The following MORC1 variants were observed in gnomAD, a reference collection of about 807,000 sequenced individuals.
MORC1 encodes MORC family CW-type zinc finger 1, also known as MORC family CW-type zinc finger protein 1.
In MORC1, 59 loss-of-function variants were observed where a neutral mutation model predicts 134.9. The ratio of observed to expected loss-of-function variants is 0.44; its 90% CI spans 0.35 to 0.54. The LOEUF is 0.54. Ranked by LOEUF, MORC1 falls within the 20% of genes least tolerant of loss-of-function variation. The probability of loss-of-function intolerance (pLI) is 0.00; values close to 1 mark genes in which losing one functional copy is unlikely to be tolerated. For synonymous variants in MORC1, 395 were observed against 391.7 expected (o/e 1.01, Z -0.10); for missense variants, 947 against 1,134.5 (o/e 0.83, Z 2.37).
chr3:108,990,723 T>G (rs1193329296), intron 21 of MORC1, among the ~76,000 whole-genome samples: 1 of 152,144 alleles, frequency 6.6e-6, no homozygotes, highest in African/African-American at 2.4e-5. Flanking sequence ...GCTGGATCCC[T>G]ATTGTTTAGG....
chr3:109,011,319 C>T (rs181105979), intron 17 of MORC1, among the ~76,000 whole-genome samples: 50 of 152,268 alleles, frequency 3.3e-4, no homozygotes, highest in Admixed American at 3.1e-3. Flanking sequence ...GTCAACATAG[C>T]GTAATCATTT....
intron 8 of MORC1, among the ~76,000 whole-genome samples, chr3:109,089,505 T>C (rs1950676744): frequency 6.6e-6 from 1 of 152,094 alleles, no homozygotes; most frequent in Non-Finnish European, 1.5e-5. Context: ...CTTCTGAAAA[T>C]GACTCTAAAC....
chr3:109,086,689 A>T (rs922434621), intron 8 of MORC1, among the ~76,000 whole-genome samples: 2 of 152,072 alleles, frequency 1.3e-5, no homozygotes, highest in Non-Finnish European at 2.9e-5. Context: ...GAAAAATTAA[A>T]ATCAACCTGA....
intron 11 of MORC1, 81 bp from the exon 12 acceptor site, chr3:109,059,951 A>T: frequency 8.3e-7 from 1 of 1,199,856 alleles, no homozygotes; most frequent in South Asian, 1.4e-5. Flanking sequence ...TATTATCCAA[A>T]TGTTTCAAGG....
intron 9 of MORC1, among the ~76,000 whole-genome samples, chr3:109,066,833 T>C (rs74419792): frequency 0.013 from 1,919 of 152,276 alleles, 38 homozygotes; most frequent in African/African-American, 0.042. Context: ...ACTCAAGTAA[T>C]TGCCAAAGGT....
chr3:109,055,028 A>AATTATT, intron 13 of MORC1, 146 bp from the exon 14 acceptor site: 1 of 728,176 alleles, frequency 1.4e-6, no homozygotes, highest in Non-Finnish European at 2.2e-6. Flanking sequence ...CAAGTTAGCT[A>AATTATT]ATTATGTTAT....
At position 108,963,437 on chromosome 3, in the gene MORC1, G is replaced by T; in HGVS notation, c.2776C>A (p.Leu926Ile). Residue 926 changes from leucine (L) to isoleucine (I), a missense_variant, in exon 27 of 28, where the codon CTA becomes ATA. Physicochemically the swap from Leu to Ile is conservative, Grantham distance 5. Transcript: ENST00000232603. Reference protein sequence around the residue: ...KLKNLRIKLALLLQKLQLGGP... With the variant: ...KLKNLRIKLAILLQKLQLGGP... ...ACCAGTTGGAGTTTCTGCAACAATA[G>T]TGCCAGTTTTATACGAAGATTCTTC... 6.2e-7 allele frequency: 1 copy of T among 1,611,434 alleles called. No individual in the cohort carries two copies. Among genetic ancestry groups the T allele is most frequent in the Non-Finnish European group, 8.5e-7 (1 of 1,179,464 alleles).
At chr3:109,067,684 T>C (rs1180704542) in intron 9 of MORC1, among the ~76,000 whole-genome samples, 1 of 152,132 alleles carries the variant, frequency 6.6e-6, no homozygotes, top group Non-Finnish European at 1.5e-5. Flanking sequence ...AAAGGAAACA[T>C]TGCTTTGATA....
At position 109,000,657 on chromosome 3, in the gene MORC1, G is replaced by A. The variant is rs1948379691; in HGVS notation, c.2087C>T (p.Ala696Val). 1.2e-6 allele frequency: 2 copies of A among 1,606,772 alleles called. No homozygotes were observed. The highest frequency in any genetic ancestry group is 1.3e-5 in the African/African-American group (1 of 74,838). Residue 696 changes from alanine (A) to valine (V), a missense_variant and splice_region_variant, in exon 21 of 28, where the codon GCC (alanine) becomes GTC (valine). This residue lies in a region of MORC1 where 722 missense variants were observed against 817.0 expected (regional missense o/e 0.88). Transcript: ENST00000232603. ...CTTCCTTTTCATTTCCCAAGAAGCG[G>A]CCTATAACAAGGAATTAACAAAAAA... is the stretch of plus-strand genomic sequence containing the variant. ...PTEGCLKNAQ[A>V]ASWEMKRKQS... is the part of the protein sequence containing the mutation.
intron 25 of MORC1, 94 bp downstream of exon 25, chr3:108,971,236 C>G: frequency 9.2e-7 from 1 of 1,091,230 alleles, no homozygotes; most frequent in Non-Finnish European, 1.4e-6. Context: ...TTAAGCCACT[C>G]TAGGTCCTCT....
At chr3:109,072,220 A>G (rs1436705241) in intron 8 of MORC1, among the ~76,000 whole-genome samples, 4 of 152,154 alleles carry the variant, frequency 2.6e-5, no homozygotes, top group Non-Finnish European at 5.9e-5. Context: ...TCTTGTCTTC[A>G]GCCTGGCCAT....
intron 13 of MORC1, among the ~76,000 whole-genome samples, chr3:109,055,539 C>T (rs72935364): frequency 0.013 from 1,910 of 152,314 alleles, 39 homozygotes; most frequent in African/African-American, 0.042. Flanking sequence ...CCTTGCTTTC[C>T]TTTCACTATT....
intron 21 of MORC1, among the ~76,000 whole-genome samples, chr3:108,987,664 T>C (rs1474241878): frequency 6.6e-6 from 1 of 151,780 alleles, no homozygotes; most frequent in Non-Finnish European, 1.5e-5. Context: ...AGGGGTGGAA[T>C]GTACCATTAA....
chr3:109,054,663 C>T, intron 14 of MORC1, 65 bp downstream of exon 14: 2 of 1,335,536 alleles, frequency 1.5e-6, no homozygotes, highest in South Asian at 4.0e-5. Flanking sequence ...ATCATGTCAG[C>T]TTAAAGAAAT....
intron 17 of MORC1, among the ~76,000 whole-genome samples, chr3:109,017,215 T>C (rs1435191403): frequency 6.6e-6 from 1 of 152,234 alleles, no homozygotes; most frequent in Non-Finnish European, 1.5e-5. Context: ...GCACGATGCT[T>C]AGATCATAAT....
At chr3:108,993,533 T>C (rs374294116) in intron 21 of MORC1, among the ~76,000 whole-genome samples, 30 of 152,276 alleles carry the variant, frequency 2.0e-4, no homozygotes, top group African/African-American at 7.2e-4. Flanking sequence ...CTAGTATTAT[T>C]AGCAATGATC....
chr3:108,993,630 G>A (rs563561336), intron 21 of MORC1, among the ~76,000 whole-genome samples: 1 of 152,194 alleles, frequency 6.6e-6, no homozygotes, highest in Non-Finnish European at 1.5e-5. Context: ...GAAATCACCC[G>A]CTTTTGAAAT....
intron 7 of MORC1, among the ~76,000 whole-genome samples, chr3:109,094,161 G>A (rs1950783694): frequency 6.6e-6 from 1 of 152,138 alleles, no homozygotes; most frequent in South Asian, 2.1e-4. Context: ...TACAAGAACA[G>A]GTATGGGGCC....
intron 16 of MORC1, among the ~76,000 whole-genome samples, 165 bp from the exon 17 acceptor site, chr3:109,028,054 C>T (rs2107598644): frequency 6.6e-6 from 1 of 152,216 alleles, no homozygotes; most frequent in Admixed American, 6.5e-5. Flanking sequence ...AACAAATAAC[C>T]TTACATCTCC....
Sources: gnomAD v4.1 joint callset for allele counts (sites outside exome capture counted in the v4.1 genomes callset) on GRCh38, gnomAD v4.1.1 for gene constraint, gnomAD v4.1.1 regional missense constraint, MANE v1.5 for transcripts, NCBI Gene and HGNC (gene_info 2026-07-23, HGNC 2026-07-21) for gene names.